Variants in GBP1 observed in about 807,000 individuals in gnomAD.
GBP1 encodes the protein guanylate binding protein 1.
In GBP1, 64 loss-of-function variants were observed where a neutral mutation model predicts 69.5. The ratio of observed to expected loss-of-function variants is 0.92; its 90% CI spans 0.75 to 1.13. The LOEUF (loss-of-function observed/expected upper bound fraction) is 1.13, where lower values mean the gene tolerates loss of function less well. Among genes scored for constraint, GBP1 ranks in the 50% most tolerant of loss-of-function variants. The pLI is 0.00. For missense variants in GBP1, 630 were observed against 704.1 expected (o/e 0.89, Z 1.19); for synonymous variants, 250 against 261.2 (o/e 0.96, Z 0.41).
intron 2 of GBP1, among the ~76,000 whole-genome samples, chr1:89,062,039 TAGA>T (rs1680214782): frequency 6.6e-6 from 1 of 151,694 alleles, no homozygotes; most frequent in African/African-American, 2.4e-5. Context: ...GTAGAGAAAT[TAGA>T]ACCCTTGTGC....
intron 5 of GBP1, 159 bp from the exon 6 acceptor site, chr1:89,058,393 T>A (rs1680099040): frequency 1.1e-5 from 7 of 633,896 alleles, no homozygotes; most frequent in Non-Finnish European, 1.9e-5. Context: ...AATATGTAAA[T>A]GAATGGGCAT....
At chr1:89,057,914 A>G (rs1680084548) in intron 6 of GBP1, 78 bp downstream of exon 6, 4 of 1,419,242 alleles carry the variant, frequency 2.8e-6, no homozygotes, top group Non-Finnish European at 3.8e-6. Context: ...GGATTTTTCA[A>G]TGCTGAAACT....
At chr1:89,057,442 A>G (rs1371809690) in intron 6 of GBP1, among the ~76,000 whole-genome samples, 1 of 152,260 alleles carries the variant, frequency 6.6e-6, no homozygotes, top group African/African-American at 2.4e-5. Context: ...TTAGGACAGG[A>G]ACCATATCTA....
rs1008654113 is a variant in GBP1, at chr1:89,056,239, A to G, written c.1156-11T>C. ...TTTTTCTAGCTGGGCCTTTAATGTA[A>G]AAATAGGAAGTAAAAAGAGTAACAG... On this transcript the variant is annotated splice_polypyrimidine_tract_variant and intron_variant, in intron 7 of 10. Transcript: ENST00000370473. 6.2e-7 allele frequency: 1 copy of G among 1,613,900 alleles called. No individual in the cohort carries two copies. The highest frequency in any genetic ancestry group is 1.7e-5 in the Admixed American group (1 of 60,014).
chr1:89,063,412 A>G (rs1165176233), intron 1 of GBP1, among the ~76,000 whole-genome samples, 159 bp from the exon 2 acceptor site: 1 of 152,240 alleles, frequency 6.6e-6, no homozygotes, highest in East Asian at 1.9e-4. Context: ...AGTATTGTCA[A>G]AGTAGCTCAT....
At chr1:89,053,593 A>C in intron 10 of GBP1, 125 bp from the exon 11 acceptor site, 30 of 1,432,204 alleles carry the variant, frequency 2.1e-5, no homozygotes, top group Middle Eastern at 2.6e-4. Flanking sequence ...CGTAAATGTC[A>C]TACTTTGGCC....
chr1:89,055,852 A>T (rs1322772781), intron 8 of GBP1, 164 bp downstream of exon 8: 5 of 812,138 alleles, frequency 6.2e-6, no homozygotes, highest in Non-Finnish European at 1.0e-5. Context: ...ATGAGCACCT[A>T]GGACATATCT....
intron 2 of GBP1, among the ~76,000 whole-genome samples, chr1:89,060,767 ATC>A (rs1340991765): frequency 1.3e-5 from 2 of 152,278 alleles, no homozygotes; most frequent in Non-Finnish European, 1.5e-5. Context: ...AAGTAAAATT[ATC>A]TCTGTCTGCT....
chr1:89,055,425 A>G (rs1400800248), intron 8 of GBP1: 5 of 606,334 alleles, frequency 8.2e-6, no homozygotes, highest in Non-Finnish European at 1.4e-5. Context: ...GTAGGCTAAT[A>G]TAGATACTGG....
rs1481034669 is a variant in GBP1 at position 89,064,238 on chromosome 1, T to TGA, written c.-20+921_-20+922insTC. On this transcript the variant is annotated intron_variant, in intron 1 of 10. Coordinates refer to ENST00000370473, the MANE Select transcript of GBP1 (RefSeq NM_002053.3). ...GTGTGTGTGTGTGTGTGTGTGTGTG[T>TGA]GTGAGAGAGAGAGAGAGAGAGAGAG... 3.4e-3 allele frequency among the ~76,000 whole-genome samples: 386 copies of TGA among 112,830 alleles called. 1 individual carries two copies. Among genetic ancestry groups the TGA allele is most frequent in the African/African-American group, 0.011 (294 of 26,068 alleles). The allele number at this position is 112,830 out of a possible 152,430, so 74.0% of individuals were successfully genotyped here. A position where few individuals can be genotyped will look rare whatever the true frequency, so the allele number is the denominator to read the frequency against.
At chr1:89,059,492 GT>G in intron 3 of GBP1, 66 bp from the exon 4 acceptor site, 1 of 1,386,352 alleles carries the variant, frequency 7.2e-7, no homozygotes, top group Non-Finnish European at 1.0e-6. Flanking sequence ...CAGAGTAACA[GT>G]AGTAAAACTA....
chr1:89,054,051 C>G (rs1194474075), intron 10 of GBP1, among the ~76,000 whole-genome samples: 1 of 152,136 alleles, frequency 6.6e-6, no homozygotes, highest in African/African-American at 2.4e-5. Context: ...ACCTTTGTTT[C>G]TTCTTCTAAG....
Position 89,056,007 on chromosome 1 carries a change from CT to C in GBP1, c.1368+8del. On this transcript the variant is annotated splice_region_variant and intron_variant, in intron 8 of 10. Transcript: ENST00000370473. ...AGCTTTCCATAATTGACAGATAAAT[CT>C]TGGTTACCTGTATCCCCTTCCTCGG... The C allele has an allele frequency of 6.2e-7, 1 of 1,613,874 alleles. No individual in the cohort carries two copies. Among genetic ancestry groups the C allele is most frequent in the Non-Finnish European group, 8.5e-7 (1 of 1,179,792 alleles).
chr1:89,061,429 T>C (rs147260063), intron 2 of GBP1, among the ~76,000 whole-genome samples: 1,701 of 152,252 alleles, frequency 0.011, 26 homozygotes, highest in African/African-American at 0.039. Context: ...GGAGAGTCTC[T>C]TTAACAAATG....
chr1:89,058,841 C>T lies in GBP1; in HGVS notation c.631G>A (p.Gly211Ser), dbSNP rs1680109557. ...TTTATCAGTTGAAGCTCTCTGTTAC[C>T]TTTCTTCAGCTTCAGGGAGTATGTC... ...YLTYSLKLKK[G>S]TSQKDETFNL... The change falls in exon 5 of 11, where the codon GGT (glycine) becomes AGT (serine). Residue 211 changes from glycine to serine, a missense_variant and splice_region_variant. Physicochemically the swap from Gly to Ser is moderately conservative, Grantham distance 56 (BLOSUM62 0). This residue lies in a region of GBP1 where 367 missense variants were observed against 369.5 expected (regional missense o/e 0.99). Coordinates refer to ENST00000370473, the MANE Select transcript of GBP1 (RefSeq NM_002053.3). 2 of 1,613,710 alleles carry T rather than the reference C, an allele frequency of 1.2e-6. No individual in the cohort carries two copies. Among genetic ancestry groups the T allele is most frequent in the Non-Finnish European group, 1.7e-6 (2 of 1,179,790 alleles).
intron 1 of GBP1, among the ~76,000 whole-genome samples, chr1:89,064,226 TGTGTGTGTGTGTGTGAGAGA>T (rs1465452676): frequency 3.6e-5 from 4 of 111,244 alleles, no homozygotes; most frequent in Non-Finnish European, 8.2e-5. Context: ...TGTGTGTGTG[TGTGTGTGTGTGTGTGAGAGA>T]GAGAGAGAGA....
intron 5 of GBP1, 194 bp downstream of exon 5, chr1:89,058,647 T>G: frequency 3.1e-6 from 2 of 650,522 alleles, no homozygotes; most frequent in Non-Finnish European, 5.2e-6. Context: ...ACAAGAAACT[T>G]GTTCTAGAAC....
rs1390696205 is a variant in GBP1 at position 89,063,287 on chromosome 1, C to A, written c.-19-34G>T. The A allele has an allele frequency of 1.9e-6, 3 of 1,579,016 alleles. No homozygotes were observed. In the Admixed American group the frequency reaches 5.2e-5, roughly 28 times the overall value. On this transcript the variant is annotated intron_variant, in intron 1 of 10. Coordinates refer to ENST00000370473, the MANE Select transcript of GBP1 (RefSeq NM_002053.3). ...GAAGAGGTGAAATACATGAGAATTT[C>A]TAGTGTTTTGCAATTATAAGGGAGA... is the stretch of plus-strand genomic sequence containing the variant.
chr1:89,053,569 T>C, intron 10 of GBP1, 101 bp from the exon 11 acceptor site: 2 of 1,502,864 alleles, frequency 1.3e-6, no homozygotes, highest in Non-Finnish European at 1.8e-6. Flanking sequence ...TAATTTTCTC[T>C]GAGTCACGCA....
Sources: gnomAD v4.1 joint callset for allele counts (sites outside exome capture counted in the v4.1 genomes callset) on GRCh38, gnomAD v4.1.1 for gene constraint, gnomAD v4.1.1 regional missense constraint, MANE v1.5 for transcripts, NCBI Gene and HGNC (gene_info 2026-07-23, HGNC 2026-07-21) for gene names.